TMPRSS11A: variants seen among roughly 807,000 people sequenced by gnomAD.
TMPRSS11A encodes transmembrane serine protease 11A.
A neutral mutation model predicts 58.9 loss-of-function variants in TMPRSS11A; 53 were observed. That is an observed-to-expected ratio of 0.90 (90% CI 0.72 to 1.13). The LOEUF (loss-of-function observed/expected upper bound fraction) is 1.13, where lower values mean the gene tolerates loss of function less well. Ranked by LOEUF, TMPRSS11A falls within the 50% of genes most tolerant of loss-of-function variation. The pLI is 0.00. For synonymous variants in TMPRSS11A, 167 were observed against 169.8 expected (o/e 0.98, Z 0.13); for missense variants, 493 against 499.3 (o/e 0.99, Z 0.12).
intron 5 of TMPRSS11A, among the ~76,000 whole-genome samples, chr4:67,929,495 C>T (rs2109747329): frequency 6.6e-6 from 1 of 152,224 alleles, no homozygotes. Flanking sequence ...TAGAAACTAT[C>T]AATAAAAGTA....
intron 1 of TMPRSS11A, among the ~76,000 whole-genome samples, chr4:67,950,348 A>C (rs1247420390): frequency 6.6e-6 from 1 of 152,190 alleles, no homozygotes; most frequent in Non-Finnish European, 1.5e-5. Context: ...ATTACTTGCC[A>C]CTTGGCCATC....
intron 4 of TMPRSS11A, 51 bp downstream of exon 4, chr4:67,931,942 G>T: frequency 9.0e-7 from 1 of 1,114,526 alleles, no homozygotes. Flanking sequence ...TGTCTCCTTT[G>T]TTCCTTTTCC....
chr4:67,919,518 A>T (rs945966471), intron 7 of TMPRSS11A, among the ~76,000 whole-genome samples: 6 of 152,236 alleles, frequency 3.9e-5, no homozygotes, highest in East Asian at 1.9e-4. Flanking sequence ...TTTACTGAGC[A>T]TCTGTGTGCT....
In TMPRSS11A at chr4:67,940,365, C is replaced by CT. The variant is rs200509521; in HGVS notation, c.252+4153dup. ...GGCTGTGAATCCATCTAGTTTGGGC[C>CT]TTTTTTTTTCCTTTTGGCTGGTAAG... On this transcript the variant is annotated intron_variant, in intron 3 of 9. Transcript: ENST00000508048. Among the ~76,000 whole-genome samples, 41 of 150,218 alleles carry CT rather than the reference C, an allele frequency of 2.7e-4. 1 individual carries two copies. In the South Asian group the frequency reaches 5.1e-3, roughly 19 times the overall value.
At chr4:67,935,855 C>T (rs1370534898) in intron 3 of TMPRSS11A, among the ~76,000 whole-genome samples, 1 of 151,910 alleles carries the variant, frequency 6.6e-6, no homozygotes, top group Non-Finnish European at 1.5e-5. Flanking sequence ...TGTTTTTGGA[C>T]ATTTTAGGTA....
intron 1 of TMPRSS11A, among the ~76,000 whole-genome samples, chr4:67,960,961 T>C (rs1161241348): frequency 6.6e-6 from 1 of 152,216 alleles, no homozygotes; most frequent in Non-Finnish European, 1.5e-5. Context: ...ATTTTATCTT[T>C]TGTAACAAAG....
At chr4:67,942,014 C>G (rs1279661574) in intron 3 of TMPRSS11A, among the ~76,000 whole-genome samples, 1 of 151,938 alleles carries the variant, frequency 6.6e-6, no homozygotes, top group Non-Finnish European at 1.5e-5. Flanking sequence ...TTCTGCAAAG[C>G]AATACAAATA....
chr4:67,912,309 CACACAT>C (rs992697777), intron 9 of TMPRSS11A, among the ~76,000 whole-genome samples: 18 of 152,084 alleles, frequency 1.2e-4, no homozygotes, highest in East Asian at 3.9e-4. Flanking sequence ...CACACACATA[CACACAT>C]ACACATACAC....
At position 67,918,992 on chromosome 4, in the gene TMPRSS11A, AAATCCTGTGATGT is replaced by A. The variant is rs752609084; in HGVS notation, c.920_932del (p.His307LeufsTer19). 5 of 1,614,174 alleles carry A rather than the reference AAATCCTGTGATGT, an allele frequency of 3.1e-6. No homozygotes were observed. Among genetic ancestry groups the A allele is most frequent in the Non-Finnish European group, 4.2e-6 (5 of 1,180,024 alleles). On this transcript the variant is annotated frameshift_variant, in exon 8 of 10. Coordinates refer to ENST00000508048, the MANE Select transcript of TMPRSS11A (RefSeq NM_001114387.2). LOFTEE classifies it high-confidence loss of function. ...ACCCACCACCATAGTAAAGTGCTCC[AAATCCTGTGATGT>A]GGACAGTCAAATTTGGTTGGAAGGA...
chr4:67,912,764 T>C (rs957044876), intron 9 of TMPRSS11A, among the ~76,000 whole-genome samples: 3 of 152,228 alleles, frequency 2.0e-5, no homozygotes, highest in African/African-American at 7.2e-5. Context: ...TCTGACCCTT[T>C]ATGATGGTAT....
chr4:67,935,563 C>A (rs1720732097), intron 3 of TMPRSS11A, among the ~76,000 whole-genome samples: 1 of 152,016 alleles, frequency 6.6e-6, no homozygotes, highest in Non-Finnish European at 1.5e-5. Context: ...TATATAGTCT[C>A]TTTTATTAAA....
At chr4:67,957,354 A>G (rs1721313183) in intron 1 of TMPRSS11A, among the ~76,000 whole-genome samples, 1 of 152,294 alleles carries the variant, frequency 6.6e-6, no homozygotes, top group South Asian at 2.1e-4. Flanking sequence ...AATGGCTTTG[A>G]CCAAAAACCT....
rs1340488154 is a variant in TMPRSS11A at position 67,910,083 on chromosome 4, T to G, written c.*1259A>C. ...TCACAGGCATTGCCAAGCAGAATAA[T>G]TGCTTCCATAAAGCCTTAATTTAAT... On this transcript the variant is annotated 3_prime_UTR_variant, in exon 10 of 10. Transcript: ENST00000508048. 6.6e-6 allele frequency: 1 copy of G among 152,046 alleles called. No homozygotes were observed. The highest frequency in any genetic ancestry group is 1.5e-5 in the Non-Finnish European group (1 of 67,926). The allele number at this position is 152,046 out of a possible 1,614,324, so 9.4% of individuals were successfully genotyped here.
rs1721418705 is a variant in TMPRSS11A, at chr4:67,961,482, C to CTTTTTTTTTTTTTTTTTTTTTTTT, written c.11+1900_11+1901insAAAAAAAAAAAAAAAAAAAAAAAA. On this transcript the variant is annotated intron_variant, in intron 1 of 9. Coordinates refer to ENST00000508048, the MANE Select transcript of TMPRSS11A (RefSeq NM_001114387.2). ...CTTTTCTTTCCTTTCCTTTTCTTTT[C>CTTTTTTTTTTTTTTTTTTTTTTTT]CTTTTTTTTTTTTTTTTTTTTTTTT... Among the ~76,000 whole-genome samples the CTTTTTTTTTTTTTTTTTTTTTTTT allele has an allele frequency of 2.0e-5, 2 of 102,454 alleles. 1 individual carries two copies. Among genetic ancestry groups the CTTTTTTTTTTTTTTTTTTTTTTTT allele is most frequent in the African/African-American group, 9.5e-5 (2 of 20,958 alleles). 67.2% of individuals were successfully genotyped at this position (102,454 alleles called of 152,430 possible). A position where few individuals can be genotyped will look rare whatever the true frequency, so the allele number is the denominator to read the frequency against.
At chr4:67,955,648 T>TATCC (rs918746773) in intron 1 of TMPRSS11A, among the ~76,000 whole-genome samples, 16 of 152,314 alleles carry the variant, frequency 1.1e-4, no homozygotes, top group African/African-American at 3.8e-4. Flanking sequence ...ACTGTCCATG[T>TATCC]ATCCATCCAT....
At position 67,924,154 on chromosome 4, in the gene TMPRSS11A, G is replaced by A. The variant is rs1720402672; in HGVS notation, c.494C>T (p.Ser165Leu). 1 of 1,613,396 alleles carries A rather than the reference G, an allele frequency of 6.2e-7. No individual in the cohort carries two copies. The highest frequency in any genetic ancestry group is 1.7e-5 in the Admixed American group (1 of 60,002). Reference sequence around the variant, plus strand: ...TGCTTGGACAGTTAACTCCCCTGTTGATGAGCTCATTGCTGAAAAAGAAGA... The same window carrying A: ...TGCTTGGACAGTTAACTCCCCTGTTAATGAGCTCATTGCTGAAAAAGAAGA... Reference protein sequence around the residue: ...SSVQVNAMSSSTGELTVQASC... With the variant: ...SSVQVNAMSSLTGELTVQASC... The change falls in exon 6 of 10, where the codon TCA becomes TTA. Residue 165 changes from serine (S) to leucine (L), a missense_variant. Coordinates refer to ENST00000508048, the MANE Select transcript of TMPRSS11A (RefSeq NM_001114387.2).
At chr4:67,929,773 A>T in intron 5 of TMPRSS11A, 107 bp downstream of exon 5, 3 of 1,078,326 alleles carry the variant, frequency 2.8e-6, no homozygotes, top group East Asian at 4.8e-5. Flanking sequence ...TTTTCATCTG[A>T]ATTCTAGCTA....
chr4:67,913,111 GT>G, intron 9 of TMPRSS11A, among the ~76,000 whole-genome samples: 1 of 152,026 alleles, frequency 6.6e-6, no homozygotes, highest in East Asian at 1.9e-4. Context: ...GATTCTTACT[GT>G]TTGGTTCTAG....
At position 67,922,775 on chromosome 4, in the gene TMPRSS11A, A is replaced by G. The variant is rs1296183604; in HGVS notation, c.672T>C (p.Thr224=). The part of the protein sequence containing the change: ...ATLISNTWLV[T]AAHCFQKYKN... Reference sequence around the variant, plus strand: ...CTTACTTCTGGAAGCAGTGTGCTGCAGTGACAAGCCATGTGTTACTAATCA... The same window carrying G: ...CTTACTTCTGGAAGCAGTGTGCTGCGGTGACAAGCCATGTGTTACTAATCA... Residue 224 remains threonine, a synonymous_variant, in exon 7 of 10, where the codon ACT becomes ACC. Transcript: ENST00000508048. 1.9e-6 allele frequency: 3 copies of G among 1,614,152 alleles called. No individual in the cohort carries two copies. Among genetic ancestry groups the G allele is most frequent in the Middle Eastern group, 1.6e-4 (1 of 6,062 alleles).
Sources: allele counts gnomAD v4.1 joint callset (sites outside exome capture counted in the v4.1 genomes callset), GRCh38; gene constraint gnomAD v4.1.1; transcripts MANE v1.5; gene names NCBI Gene and HGNC (gene_info 2026-07-23, HGNC 2026-07-21).